The following IMMP2L variants were observed in gnomAD, a reference collection of about 807,000 sequenced individuals.
IMMP2L encodes the protein inner mitochondrial membrane peptidase subunit 2, also known as mitochondrial inner membrane protease subunit 2.
In IMMP2L, 18 loss-of-function variants were observed where a neutral mutation model predicts 19.3. The ratio of observed to expected loss-of-function variants is 0.93; its 90% confidence interval spans 0.64 to 1.38. The LOEUF is 1.38. IMMP2L is among the 40% of genes most tolerant of loss of function. The pLI is 0.00. For missense variants in IMMP2L, 233 were observed against 218.2 expected, an observed-to-expected ratio of 1.07 and a Z score of -0.43; for synonymous variants, 76 against 73.0, an observed-to-expected ratio of 1.04 and a Z score of -0.21.
chr7:110,907,405 G>GC (rs779749932), intron 4 of IMMP2L, among the ~76,000 whole-genome samples: 10 of 152,130 alleles, frequency 6.6e-5, no homozygotes, highest in Admixed American at 2.0e-4. Flanking sequence ...CTGAAGTCAA[G>GC]TTGCTTCTCT....
chr7:110,665,451 T>C (rs1212827010), intron 5 of IMMP2L, among the ~76,000 whole-genome samples: 1 of 152,256 alleles, frequency 6.6e-6, no homozygotes, highest in Non-Finnish European at 1.5e-5. Context: ...AGATACAATA[T>C]TACTTATTAC....
rs1290907510 is a variant in IMMP2L, at chr7:111,089,083, CAA to C, written c.240-125520_240-125519del. Among the ~76,000 whole-genome samples, 3 of 152,234 alleles carry C rather than the reference CAA, an allele frequency of 2.0e-5. No homozygotes were observed. In the East Asian group the frequency reaches 5.8e-4, roughly 29 times the overall value. On this transcript the variant is annotated intron_variant, in intron 3 of 5. Transcript: ENST00000405709. ...GAAGAGCACTCTGATCTCCCACTTT[CAA>C]AAGAGTGATCATTTAGTTAAAACAA...
intron 5 of IMMP2L, among the ~76,000 whole-genome samples, chr7:110,677,917 CCT>C (rs1315406746): frequency 6.6e-6 from 1 of 151,976 alleles, no homozygotes; most frequent in Non-Finnish European, 1.5e-5. Flanking sequence ...GAGATTGCCC[CCT>C]CTGGTATCAC....
At chr7:111,033,037 T>A (rs988002454) in intron 3 of IMMP2L, among the ~76,000 whole-genome samples, 1 of 152,056 alleles carries the variant, frequency 6.6e-6, no homozygotes, top group Non-Finnish European at 1.5e-5. Context: ...TGAGAATCAC[T>A]TGAACCTGGG....
chr7:110,983,981 A>G (rs182632870), intron 3 of IMMP2L, among the ~76,000 whole-genome samples: 115 of 152,198 alleles, frequency 7.6e-4, no homozygotes, highest in African/African-American at 2.5e-3. Context: ...TCAGCCAGTC[A>G]TTACATGTCT....
intron 4 of IMMP2L, among the ~76,000 whole-genome samples, chr7:110,907,325 T>C (rs2129547929): frequency 6.6e-6 from 1 of 152,214 alleles, no homozygotes; most frequent in South Asian, 2.1e-4. Context: ...AACAGGAAGG[T>C]AATCTTTTCC....
chr7:111,523,398 T>C (rs750440193), intron 1 of IMMP2L, among the ~76,000 whole-genome samples: 1 of 152,052 alleles, frequency 6.6e-6, no homozygotes, highest in Non-Finnish European at 1.5e-5. Flanking sequence ...AAACTCACAA[T>C]GTTATCTGTT....
intron 4 of IMMP2L, among the ~76,000 whole-genome samples, chr7:110,931,893 C>T (rs184744357): frequency 6.6e-6 from 1 of 152,242 alleles, no homozygotes; most frequent in East Asian, 1.9e-4. Flanking sequence ...CTCATTAGCA[C>T]CTTAAGGTCC....
Position 110,973,060 on chromosome 7 carries a change from G to A in IMMP2L, c.240-9495C>T, listed in dbSNP as rs545890120. On this transcript the variant is annotated intron_variant, in intron 3 of 5. Transcript: ENST00000405709. ...CAGAGATTGTTGGTGGAGGTTGGGG[G>A]CAGAAATGGGGAGTGGCTGGTCAAA... 1.3e-3 allele frequency among the ~76,000 whole-genome samples: 191 copies of A among 152,140 alleles called. 2 individuals carry two copies. The highest frequency in any genetic ancestry group is 1.5e-3 in the Non-Finnish European group (100 of 67,994).
At chr7:110,774,259 G>A (rs997415045) in intron 5 of IMMP2L, among the ~76,000 whole-genome samples, 2 of 152,130 alleles carry the variant, frequency 1.3e-5, no homozygotes, top group South Asian at 2.1e-4. Context: ...GAACTTGTTT[G>A]GTTTGATCAT....
At chr7:111,143,580 T>A (rs1410083238) in intron 3 of IMMP2L, among the ~76,000 whole-genome samples, 2 of 152,176 alleles carry the variant, frequency 1.3e-5, no homozygotes, top group South Asian at 2.1e-4. Context: ...TCCATTTTCC[T>A]TTGCTTATAA....
At chr7:111,122,108 A>G (rs1586422575) in intron 3 of IMMP2L, among the ~76,000 whole-genome samples, 1 of 151,664 alleles carries the variant, frequency 6.6e-6, no homozygotes, top group Non-Finnish European at 1.5e-5. Flanking sequence ...GCATTAGGAG[A>G]TATACCTAAT....
chr7:111,532,654 C>T (rs1168492531), intron 1 of IMMP2L: 2 of 152,130 alleles, frequency 1.3e-5, no homozygotes, highest in African/African-American at 4.8e-5. Context: ...TACAATTTAA[C>T]CAGCAAACTT....
At chr7:110,874,802 T>C (rs961753454) in intron 5 of IMMP2L, among the ~76,000 whole-genome samples, 1 of 152,038 alleles carries the variant, frequency 6.6e-6, no homozygotes, top group East Asian at 1.9e-4. Flanking sequence ...ATAAAAAATA[T>C]ATTGACTCAC....
chr7:110,823,296 A>C (rs113916737), intron 5 of IMMP2L, among the ~76,000 whole-genome samples: 11 of 151,950 alleles, frequency 7.2e-5, no homozygotes, highest in African/African-American at 2.4e-4. Flanking sequence ...CAAAAACCTA[A>C]CTCCTATATT....
At chr7:111,378,608 T>C (rs1830909689) in intron 3 of IMMP2L, among the ~76,000 whole-genome samples, 1 of 151,998 alleles carries the variant, frequency 6.6e-6, no homozygotes. Flanking sequence ...CTAAAATCCC[T>C]TTCTTAATCA....
At chr7:111,314,513 T>C (rs1823846775) in intron 3 of IMMP2L, among the ~76,000 whole-genome samples, 1 of 152,124 alleles carries the variant, frequency 6.6e-6, no homozygotes, top group Non-Finnish European at 1.5e-5. Flanking sequence ...GCCAGAGGAA[T>C]GGAGGATTGA....
intron 5 of IMMP2L, among the ~76,000 whole-genome samples, chr7:110,814,355 C>A (rs556505782): frequency 7.8e-4 from 118 of 150,624 alleles, no homozygotes; most frequent in Non-Finnish European, 1.3e-3. Context: ...TATGACTAAA[C>A]AATAGCTGAA....
chr7:111,388,273 G>C (rs770574569), intron 3 of IMMP2L, among the ~76,000 whole-genome samples: 6 of 151,956 alleles, frequency 3.9e-5, no homozygotes, highest in Non-Finnish European at 8.8e-5. Flanking sequence ...GACCCATACA[G>C]CTGTAAAATT....
Sources: allele counts gnomAD v4.1 joint callset (sites outside exome capture counted in the v4.1 genomes callset), GRCh38; gene constraint gnomAD v4.1.1; transcripts MANE v1.5; gene names NCBI Gene and HGNC (gene_info 2026-07-23, HGNC 2026-07-21).